Variants in LPCAT2 observed in about 807,000 individuals in gnomAD.
The protein encoded by LPCAT2 is 1-AGP acyltransferase 11.
LPCAT2 carries 58 observed loss-of-function variants against 64.7 expected under a neutral mutation model. The ratio of observed to expected loss-of-function variants is 0.90; its 90% CI spans 0.73 to 1.12. The LOEUF (loss-of-function observed/expected upper bound fraction) is 1.12, where lower values mean the gene tolerates loss of function less well. Ranked by LOEUF, LPCAT2 falls within the 50% of genes most tolerant of loss-of-function variation. The probability of loss-of-function intolerance (pLI) is 0.00; values close to 1 mark genes in which losing one functional copy is unlikely to be tolerated. For missense variants in LPCAT2, 579 were observed against 669.8 expected, an observed-to-expected ratio of 0.86 and a Z score of 1.50; for synonymous variants, 252 against 245.3, an observed-to-expected ratio of 1.03 and a Z score of -0.26.
intron 13 of LPCAT2, among the ~76,000 whole-genome samples, chr16:55,582,229 AC>A (rs1963894470): frequency 6.6e-6 from 1 of 152,064 alleles, no homozygotes; most frequent in South Asian, 2.1e-4. Context: ...AACTCCAGAA[AC>A]CCCTGTGTGC....
chr16:55,537,627 G>C lies in LPCAT2; in HGVS notation c.847G>C (p.Val283Leu), dbSNP rs1165513909. ...CTGCCAGCTCTTCACAAAGGTAGAAGTTGAGGTAAGTCATTCAAAATGTGG... is the reference window on the plus strand; with the variant it reads ...CTGCCAGCTCTTCACAAAGGTAGAACTTGAGGTAAGTCATTCAAAATGTGG... The part of the protein sequence containing the change: ...TFCQLFTKVE[V>L]EFMPVQVPND... Residue 283 changes from valine (V) to leucine (L), a missense_variant, in exon 8 of 14, where the codon GTT (valine) becomes CTT (leucine). Val to Leu is a conservative substitution (Grantham distance 32). Transcript: ENST00000262134. 6 of 1,612,936 alleles carry C rather than the reference G, an allele frequency of 3.7e-6. No individual in the cohort carries two copies. The highest frequency in any genetic ancestry group is 5.1e-6 in the Non-Finnish European group (6 of 1,179,398).
At chr16:55,579,079 G>T in intron 12 of LPCAT2, 30 bp from the exon 13 acceptor site, 2 of 1,607,730 alleles carry the variant, frequency 1.2e-6, no homozygotes, top group Non-Finnish European at 8.5e-7. Flanking sequence ...GATCCTGAGG[G>T]AGCTAATTCT....
At chr16:55,534,958 A>G (rs747930305) in intron 7 of LPCAT2, among the ~76,000 whole-genome samples, 1 of 152,184 alleles carries the variant, frequency 6.6e-6, no homozygotes, top group Non-Finnish European at 1.5e-5. Context: ...CTTGGATTTG[A>G]AAAGCATTGG....
At chr16:55,567,033 A>G (rs545731270) in intron 11 of LPCAT2, 2 of 1,613,900 alleles carry the variant, frequency 1.2e-6, no homozygotes, top group Admixed American at 1.7e-5. Context: ...TGGACCAGAC[A>G]TGGAGGTGGG....
chr16:55,548,997 A>C (rs1963484104), intron 9 of LPCAT2, among the ~76,000 whole-genome samples: 2 of 152,172 alleles, frequency 1.3e-5, no homozygotes. Context: ...CATGAGACTG[A>C]AGGCAACTAT....
In LPCAT2 at chr16:55,509,259, G is replaced by T. The variant is rs1962886247; in HGVS notation, c.78G>T (p.Pro26=). ...GCGTCGGGAACGTGGGGCTGCGGCC[G>T]CCCATGGTGCCCCGTCAGGCGTCCT... is the stretch of plus-strand genomic sequence containing the variant. The part of the protein sequence containing the change: ...GAGVGNVGLR[P]PMVPRQASFF... Residue 26 remains proline, a synonymous_variant, in exon 1 of 14, where the codon CCG becomes CCT. Transcript: ENST00000262134. 1 of 1,500,686 alleles carries T rather than the reference G, an allele frequency of 6.7e-7. No homozygotes were observed. Among genetic ancestry groups the T allele is most frequent in the Non-Finnish European group, 8.9e-7 (1 of 1,118,142 alleles). 93.0% of individuals were successfully genotyped at this position (1,500,686 alleles called of 1,614,324 possible). A position where few individuals can be genotyped will look rare whatever the true frequency, so the allele number is the denominator to read the frequency against.
intron 11 of LPCAT2, among the ~76,000 whole-genome samples, chr16:55,561,370 C>T (rs868716119): frequency 4.3e-5 from 6 of 139,852 alleles, no homozygotes; most frequent in South Asian, 2.2e-4. Context: ...CCCTCCTATA[C>T]TTTTTTTTTT....
intron 1 of LPCAT2, among the ~76,000 whole-genome samples, chr16:55,522,241 A>G (rs368950858): frequency 1.3e-5 from 2 of 151,870 alleles, no homozygotes; most frequent in African/African-American, 2.4e-5. Flanking sequence ...AATCTAATTT[A>G]TAACAGCAAT....
intron 11 of LPCAT2, among the ~76,000 whole-genome samples, chr16:55,560,177 A>T (rs1963620488): frequency 1.3e-5 from 2 of 152,162 alleles, no homozygotes; most frequent in East Asian, 3.8e-4. Context: ...AATTCCCTCT[A>T]TGACAGAGTG....
intron 11 of LPCAT2, among the ~76,000 whole-genome samples, chr16:55,572,653 T>G (rs1265166177): frequency 6.6e-6 from 1 of 152,058 alleles, no homozygotes; most frequent in African/African-American, 2.4e-5. Context: ...GTGTATACAT[T>G]TGTCAAAACA....
chr16:55,535,743 G>A (rs955452839), intron 7 of LPCAT2, among the ~76,000 whole-genome samples: 4 of 152,182 alleles, frequency 2.6e-5, no homozygotes, highest in Admixed American at 6.5e-5. Context: ...TCCACTTTCT[G>A]AGGTGTGCCA....
intron 8 of LPCAT2, among the ~76,000 whole-genome samples, chr16:55,543,120 T>G (rs867036892): frequency 1.3e-5 from 2 of 152,308 alleles, no homozygotes; most frequent in Middle Eastern, 3.4e-3. Context: ...AAGGTCTTAT[T>G]CTAGGAGAGG....
rs1196081018 is a variant in LPCAT2 at position 55,528,605 on chromosome 16, GT to G, written c.529+12del. The G allele has an allele frequency of 6.4e-7, 1 of 1,564,944 alleles. No individual in the cohort carries two copies. Among genetic ancestry groups the G allele is most frequent in the East Asian group, 2.2e-5 (1 of 44,620 alleles). The stretch of plus-strand genomic sequence containing the variant: ...TCCCTCTGATTGGCAGTAAGTACTT[GT>G]AAGGTAACGTAGATAAAATATTTTC... On this transcript the variant is annotated intron_variant, in intron 3 of 13. Coordinates refer to ENST00000262134, the MANE Select transcript of LPCAT2 (RefSeq NM_017839.5).
chr16:55,560,721 G>A (rs1263343043), intron 11 of LPCAT2, among the ~76,000 whole-genome samples: 2 of 151,970 alleles, frequency 1.3e-5, no homozygotes, highest in East Asian at 3.9e-4. Context: ...CATGCCCAAG[G>A]CCACACAGCT....
chr16:55,568,897 A>C (rs1472383596), intron 11 of LPCAT2, among the ~76,000 whole-genome samples: 1 of 152,184 alleles, frequency 6.6e-6, no homozygotes, highest in Non-Finnish European at 1.5e-5. Context: ...AACAGAATCC[A>C]GGATTCCGGT....
intron 1 of LPCAT2, among the ~76,000 whole-genome samples, chr16:55,515,940 A>T (rs1963004099): frequency 2.0e-5 from 3 of 152,338 alleles, no homozygotes; most frequent in Middle Eastern, 3.4e-3. Flanking sequence ...AGAGAAATTT[A>T]AAAAGACGTA....
chr16:55,573,658 TTATAATCAAGTACTTAC>T, intron 11 of LPCAT2, among the ~76,000 whole-genome samples: 1 of 152,266 alleles, frequency 6.6e-6, no homozygotes, highest in African/African-American at 2.4e-5. Context: ...ACACCTGGTA[TTATAATCAAGTACTTAC>T]TTACAGTTTC....
intron 1 of LPCAT2, among the ~76,000 whole-genome samples, chr16:55,510,357 A>C (rs1962913783): frequency 6.9e-6 from 1 of 145,472 alleles, no homozygotes; most frequent in Non-Finnish European, 1.5e-5. Flanking sequence ...TACCATTGGC[A>C]GTTGCACTCT....
intron 1 of LPCAT2, among the ~76,000 whole-genome samples, chr16:55,509,557 G>A (rs1196235545): frequency 6.6e-6 from 1 of 151,374 alleles, no homozygotes; most frequent in Non-Finnish European, 1.5e-5. Context: ...GTGGCCCGAG[G>A]GGAGCCAGGG....
Sources: gnomAD v4.1 joint callset for allele counts (sites outside exome capture counted in the v4.1 genomes callset) on GRCh38, gnomAD v4.1.1 for gene constraint, MANE v1.5 for transcripts, NCBI Gene and HGNC (gene_info 2026-07-23, HGNC 2026-07-21) for gene names.